EPHA3: variants seen among roughly 807,000 people sequenced by gnomAD.
EPHA3 encodes the protein ephrin type-A receptor 3.
A neutral mutation model predicts 107.1 loss-of-function variants in EPHA3; 42 were observed. The observed-to-expected ratio is 0.39, with a 90% CI of 0.31 to 0.51. The LOEUF (loss-of-function observed/expected upper bound fraction) is 0.51, where lower values mean the gene tolerates loss of function less well. EPHA3 is among the 20% of genes least tolerant of loss of function. The pLI, the probability that EPHA3 is intolerant of heterozygous loss-of-function variation, is 0.78. For synonymous variants in EPHA3, 461 were observed against 424.8 expected, an observed-to-expected ratio of 1.09 and a Z score of -1.05; for missense variants, 1,183 against 1,211.2, an observed-to-expected ratio of 0.98 and a Z score of 0.35.
intron 3 of EPHA3, among the ~76,000 whole-genome samples, chr3:89,313,237 A>G (rs1706808750): frequency 2.6e-5 from 4 of 151,980 alleles, no homozygotes. Flanking sequence ...TAAAGTATCT[A>G]TCATTTCTTA....
chr3:89,367,710 T>A (rs910262986), intron 5 of EPHA3, among the ~76,000 whole-genome samples: 2 of 150,802 alleles, frequency 1.3e-5, no homozygotes, highest in Non-Finnish European at 3.0e-5. Flanking sequence ...TTCTCCAGGA[T>A]ATTTTGAAAA....
intron 3 of EPHA3, among the ~76,000 whole-genome samples, chr3:89,285,968 G>T (rs1706072891): frequency 6.6e-6 from 1 of 152,076 alleles, no homozygotes; most frequent in Admixed American, 6.6e-5. Flanking sequence ...GATAGATGAG[G>T]TCTCTGCTGC....
intron 2 of EPHA3, among the ~76,000 whole-genome samples, chr3:89,182,810 A>T (rs1270462056): frequency 1.3e-5 from 2 of 151,896 alleles, no homozygotes; most frequent in African/African-American, 4.8e-5. Flanking sequence ...CACTCCTTTG[A>T]AAGAGAACAT....
chr3:89,368,110 G>C (rs949963266), intron 5 of EPHA3, among the ~76,000 whole-genome samples: 4 of 150,330 alleles, frequency 2.7e-5, no homozygotes, highest in African/African-American at 9.7e-5. Flanking sequence ...GAGCTGAGCA[G>C]AAGATTTCAG....
At chr3:89,396,187 A>G (rs1467460647) in intron 6 of EPHA3, among the ~76,000 whole-genome samples, 3 of 152,352 alleles carry the variant, frequency 2.0e-5, no homozygotes, top group Non-Finnish European at 4.4e-5. Context: ...TGCCACTGCC[A>G]ACTTAATCCA....
At chr3:89,401,387 G>A (rs536248374) in intron 7 of EPHA3, among the ~76,000 whole-genome samples, 2 of 152,138 alleles carry the variant, frequency 1.3e-5, no homozygotes, top group East Asian at 1.9e-4. Flanking sequence ...AATAAAATGT[G>A]TATGGAGAAA....
chr3:89,391,452 G>A (rs367714723), intron 5 of EPHA3, among the ~76,000 whole-genome samples: 1 of 118,782 alleles, frequency 8.4e-6, no homozygotes, highest in Non-Finnish European at 1.6e-5. Context: ...ATGGAGTCTC[G>A]CTCTGTCACC....
intron 11 of EPHA3, among the ~76,000 whole-genome samples, chr3:89,425,244 T>G (rs572559329): frequency 6.6e-6 from 1 of 150,666 alleles, no homozygotes; most frequent in Non-Finnish European, 1.5e-5. Flanking sequence ...CAATATTTCA[T>G]TTCAATATTT....
At chr3:89,352,439 T>A (rs1707848619) in intron 5 of EPHA3, among the ~76,000 whole-genome samples, 1 of 151,370 alleles carries the variant, frequency 6.6e-6, no homozygotes, top group Non-Finnish European at 1.5e-5. Flanking sequence ...TCACTTACTA[T>A]AAAAAACGTT....
At chr3:89,253,589 C>G (rs1705212706) in intron 3 of EPHA3, among the ~76,000 whole-genome samples, 1 of 151,992 alleles carries the variant, frequency 6.6e-6, no homozygotes, top group African/African-American at 2.4e-5. Flanking sequence ...TTGTCTAATT[C>G]TTGCAAAAAT....
chr3:89,427,211 T>G (rs1252369221), intron 11 of EPHA3, among the ~76,000 whole-genome samples: 1 of 151,892 alleles, frequency 6.6e-6, no homozygotes, highest in Non-Finnish European at 1.5e-5. Flanking sequence ...TCTCAAAAAC[T>G]ATAGAATTTA....
intron 2 of EPHA3, among the ~76,000 whole-genome samples, chr3:89,144,009 C>T (rs1212537002): frequency 1.3e-5 from 2 of 151,546 alleles, no homozygotes; most frequent in African/African-American, 4.8e-5. Flanking sequence ...CCCACAGTTT[C>T]CTCCATAATT....
At chr3:89,218,498 G>A (rs1037609749) in intron 3 of EPHA3, among the ~76,000 whole-genome samples, 1 of 151,808 alleles carries the variant, frequency 6.6e-6, no homozygotes, top group Non-Finnish European at 1.5e-5. Flanking sequence ...AGTATTCCAT[G>A]GTGTATATGT....
At chr3:89,199,574 C>G (rs1403417394) in intron 2 of EPHA3, among the ~76,000 whole-genome samples, 2 of 152,080 alleles carry the variant, frequency 1.3e-5, no homozygotes, top group Non-Finnish European at 2.9e-5. Context: ...TTTGGTAAAT[C>G]TTTGAATACT....
intron 2 of EPHA3, among the ~76,000 whole-genome samples, chr3:89,138,542 T>C (rs899281440): frequency 6.6e-6 from 1 of 151,912 alleles, no homozygotes; most frequent in African/African-American, 2.4e-5. Flanking sequence ...CCTAGAGTGT[T>C]ACTAGGATCA....
chr3:89,207,928 A>C (rs1706146337), intron 2 of EPHA3, among the ~76,000 whole-genome samples: 1 of 152,232 alleles, frequency 6.6e-6, no homozygotes, highest in Non-Finnish European at 1.5e-5. Flanking sequence ...AAACAAAATT[A>C]AACTAACTTT....
At chr3:89,181,588 A>ATT (rs1705443763) in intron 2 of EPHA3, among the ~76,000 whole-genome samples, 1 of 151,996 alleles carries the variant, frequency 6.6e-6, no homozygotes, top group African/African-American at 2.4e-5. Context: ...GCGGTGTTTT[A>ATT]AATTTGAGCT....
In EPHA3 at chr3:89,107,764, T is replaced by G. The variant is rs1707005715; in HGVS notation, c.16T>G (p.Ser6Ala). 1 of 1,614,170 alleles carries G rather than the reference T, an allele frequency of 6.2e-7. No individual in the cohort carries two copies. Among genetic ancestry groups the G allele is most frequent in the Non-Finnish European group, 8.5e-7 (1 of 1,180,010 alleles). MDCQL[S>A]ILLLLSCSVL... ...CACCAGCAACATGGATTGTCAGCTC[T>G]CCATCCTCCTCCTTCTCAGCTGCTC... Residue 6 changes from serine (S) to alanine (A), a missense_variant, in exon 1 of 17, where the codon TCC (serine) becomes GCC (alanine). By Grantham distance (99) the Ser-to-Ala change is moderately conservative (BLOSUM62 1). Coordinates refer to ENST00000336596, the MANE Select transcript of EPHA3 (RefSeq NM_005233.6).
intron 5 of EPHA3, among the ~76,000 whole-genome samples, chr3:89,384,619 T>C (rs1002492112): frequency 9.9e-5 from 15 of 152,184 alleles, no homozygotes; most frequent in Non-Finnish European, 1.9e-4. Flanking sequence ...TAAATGCATA[T>C]CTGTCTAAGC....
Sources: gnomAD v4.1 joint callset for allele counts (sites outside exome capture counted in the v4.1 genomes callset) on GRCh38, gnomAD v4.1.1 for gene constraint, MANE v1.5 for transcripts, NCBI Gene and HGNC (gene_info 2026-07-23, HGNC 2026-07-21) for gene names.